IL7: variants seen among roughly 807,000 people sequenced by gnomAD.
IL7 encodes interleukin 7.
Under a neutral mutation model 21.6 loss-of-function variants are expected in IL7, and 3 were observed. The observed-to-expected ratio is 0.14, with a 90% CI of 0.06 to 0.36. The LOEUF is 0.36. Ranked by LOEUF, IL7 falls within the 10% of genes least tolerant of loss-of-function variation. The pLI, the probability that IL7 is intolerant of heterozygous loss-of-function variation, is 1.00. For synonymous variants in IL7, 62 were observed against 68.1 expected, an observed-to-expected ratio of 0.91 and a Z score of 0.44; for missense variants, 175 against 200.2, an observed-to-expected ratio of 0.87 and a Z score of 0.76.
rs1554591494 is a variant in IL7, at chr8:78,686,431, G to GTTTGTTTA, written n.215-485_215-484insTAAACAAA. 66 of 1,173,634 alleles carry GTTTGTTTA rather than the reference G, an allele frequency of 5.6e-5. 1 individual carries two copies. The Middle Eastern group carries it at 7.3e-4, about 13-fold the overall frequency. 72.7% of individuals were successfully genotyped at this position (1,173,634 alleles called of 1,614,324 possible). ...TCAATATACTAAAAAGATACTGTTT[G>GTTTGTTTA]TTTATTTATTTATTTATTTATTTAT... On this transcript the variant is annotated intron_variant and non_coding_transcript_variant, in intron 3 of 4. Transcript: ENST00000523959.
intron 2 of IL7, among the ~76,000 whole-genome samples, chr8:78,744,058 G>A (rs988122588): frequency 1.3e-5 from 2 of 152,126 alleles, no homozygotes; most frequent in Non-Finnish European, 2.9e-5. Context: ...CAGTCAGGAG[G>A]AAGAGGATTG....
intron 2 of IL7, among the ~76,000 whole-genome samples, chr8:78,785,537 A>G (rs1318397613): frequency 6.6e-6 from 1 of 152,082 alleles, no homozygotes; most frequent in Non-Finnish European, 1.5e-5. Context: ...TTTTCATCTC[A>G]TTCTATTCTT....
At chr8:78,745,595 A>G (rs1811954413) in intron 2 of IL7, among the ~76,000 whole-genome samples, 1 of 152,042 alleles carries the variant, frequency 6.6e-6, no homozygotes, top group African/African-American at 2.4e-5. Flanking sequence ...TTTTGTGTTA[A>G]TTCATTTGTT....
At chr8:78,783,405 G>T (rs185547539) in intron 2 of IL7, among the ~76,000 whole-genome samples, 6 of 152,150 alleles carry the variant, frequency 3.9e-5, no homozygotes, top group South Asian at 2.1e-4. Context: ...TTTGCTTTCT[G>T]TCAGTTGCAC....
intron 2 of IL7, among the ~76,000 whole-genome samples, chr8:78,780,410 C>T (rs1027594989): frequency 5.3e-5 from 8 of 152,090 alleles, no homozygotes; most frequent in Non-Finnish European, 1.2e-4. Flanking sequence ...AGCTGCATTC[C>T]AGAGATTCTG....
rs1397837176 is a variant in IL7, at chr8:78,733,135, A to G, written c.*578T>C. The stretch of plus-strand genomic sequence containing the variant: ...GTGTTACACATTCATGATTAATTAA[A>G]TCTCTTGAAATCTCTTTTAGGTATC... On this transcript the variant is annotated 3_prime_UTR_variant, in exon 6 of 6. Transcript: ENST00000263851. 1 of 152,086 alleles carries G rather than the reference A, an allele frequency of 6.6e-6. No homozygotes were observed. The highest frequency in any genetic ancestry group is 6.6e-5 in the Admixed American group (1 of 15,250). 9.4% of individuals were successfully genotyped at this position (152,086 alleles called of 1,614,324 possible). A position where few individuals can be genotyped will look rare whatever the true frequency, so the allele number is the denominator to read the frequency against.
At chr8:78,797,253 G>A (rs998651059) in intron 2 of IL7, among the ~76,000 whole-genome samples, 1 of 151,922 alleles carries the variant, frequency 6.6e-6, no homozygotes, top group African/African-American at 2.4e-5. Context: ...GAGTTCAGGG[G>A]AAGAAAGAGA....
intron 3 of IL7, chr8:78,686,573 A>C (rs1370358952): frequency 6.5e-7 from 1 of 1,535,754 alleles, no homozygotes; most frequent in South Asian, 1.3e-5. Context: ...GAGGGTGGCA[A>C]ACTTCCTCCT....
chr8:78,798,722 C>A (rs907752716), intron 1 of IL7, among the ~76,000 whole-genome samples: 1 of 151,990 alleles, frequency 6.6e-6, no homozygotes, highest in Non-Finnish European at 1.5e-5. Flanking sequence ...TGTAAGTGCA[C>A]TCTTTCTTTT....
At chr8:78,700,349 G>T (rs1434320405) in intron 3 of IL7, among the ~76,000 whole-genome samples, 3 of 151,346 alleles carry the variant, frequency 2.0e-5, no homozygotes, top group Admixed American at 6.6e-5. Flanking sequence ...TTTTTTTCTT[G>T]TAAGTTTGTT....
At chr8:78,793,262 C>A (rs1276903010) in intron 2 of IL7, among the ~76,000 whole-genome samples, 3 of 152,008 alleles carry the variant, frequency 2.0e-5, no homozygotes, top group Non-Finnish European at 4.4e-5. Context: ...AGAGTTACTG[C>A]TAATGGGTAG....
intron 4 of IL7, among the ~76,000 whole-genome samples, chr8:78,682,060 C>T (rs1381098830): frequency 6.6e-6 from 1 of 151,926 alleles, no homozygotes; most frequent in African/African-American, 2.4e-5. Flanking sequence ...AAAGTACCAT[C>T]TTTTGACTTT....
chr8:78,784,366 A>C (rs1813441313), intron 2 of IL7, among the ~76,000 whole-genome samples: 2 of 152,146 alleles, frequency 1.3e-5, no homozygotes, highest in Admixed American at 1.3e-4. Flanking sequence ...TGTGAGGAAT[A>C]AATTTCTCTT....
chr8:78,759,159 T>C (rs888184391), intron 2 of IL7, among the ~76,000 whole-genome samples: 4 of 150,758 alleles, frequency 2.7e-5, no homozygotes, highest in Non-Finnish European at 5.9e-5. Context: ...CTTGATTGTA[T>C]ATATATATTT....
chr8:78,785,275 C>T (rs969575730), intron 2 of IL7, among the ~76,000 whole-genome samples: 9 of 152,102 alleles, frequency 5.9e-5, no homozygotes, highest in Non-Finnish European at 1.0e-4. Context: ...TTGTTTTATT[C>T]TTCCATTCGA....
At chr8:78,726,569 A>T (rs1406455819) in intron 3 of IL7, among the ~76,000 whole-genome samples, 2 of 152,006 alleles carry the variant, frequency 1.3e-5, no homozygotes, top group Non-Finnish European at 2.9e-5. Flanking sequence ...TGAGACATAA[A>T]AGCAAGAGAA....
intron 2 of IL7, among the ~76,000 whole-genome samples, chr8:78,788,602 G>T (rs1400276674): frequency 6.6e-6 from 1 of 151,992 alleles, no homozygotes; most frequent in African/African-American, 2.4e-5. Flanking sequence ...TGCATGACTT[G>T]TACTTTATAA....
chr8:78,760,402 A>T, intron 2 of IL7: 1 of 1,603,822 alleles, frequency 6.2e-7, no homozygotes, highest in South Asian at 1.1e-5. Flanking sequence ...CATACACATT[A>T]GGAAAAAACT....
chr8:78,763,083 G>A (rs1812632559), intron 2 of IL7, among the ~76,000 whole-genome samples: 1 of 152,166 alleles, frequency 6.6e-6, no homozygotes, highest in Admixed American at 6.5e-5. Context: ...GGTTGTTAGT[G>A]AAAATTATGG....
Sources: gnomAD v4.1 joint callset for allele counts (sites outside exome capture counted in the v4.1 genomes callset) on GRCh38, gnomAD v4.1.1 for gene constraint, MANE v1.5 for transcripts, NCBI Gene and HGNC (gene_info 2026-07-23, HGNC 2026-07-21) for gene names.